LTBP1: variants seen among roughly 807,000 people sequenced by gnomAD.
LTBP1 encodes the protein latent transforming growth factor beta binding protein 1.
LTBP1 carries 129 observed loss-of-function variants against 207.6 expected under a neutral mutation model. The ratio of observed to expected loss-of-function variants is 0.62; its 90% CI spans 0.54 to 0.72. The LOEUF (loss-of-function observed/expected upper bound fraction) is 0.72. Ranked by LOEUF, LTBP1 falls within the 30% of genes least tolerant of loss-of-function variation. LTBP1 has a pLI of 0.00. For missense variants in LTBP1, 2,281 were observed against 2,217.2 expected (o/e 1.03, Z -0.58); for synonymous variants, 963 against 833.7 (o/e 1.16, Z -2.67).
chr2:32,947,567 G>C lies in LTBP1; in HGVS notation c.243G>C (p.Ser81=). The C allele has an allele frequency of 1.5e-6, 2 of 1,344,458 alleles. No homozygotes were observed. The highest frequency in any genetic ancestry group is 1.9e-6 in the Non-Finnish European group (2 of 1,051,428). 83.3% of individuals were successfully genotyped at this position (1,344,458 alleles called of 1,614,324 possible). A position where few individuals can be genotyped will look rare whatever the true frequency, so the allele number is the denominator to read the frequency against. The stretch of plus-strand genomic sequence containing the variant: ...GCCGTGCCTCCCCCGGGGTCCCCTC[G>C]GAGAGGACCCGGCGCACGAGCAAGC... ...APSRASPGVP[S]ERTRRTSKPG... Residue 81 remains serine (S), a synonymous_variant, in exon 1 of 34, where the codon TCG becomes TCC. Coordinates refer to ENST00000404816, the MANE Select transcript of LTBP1 (RefSeq NM_206943.4).
At chr2:33,185,471 A>C (rs774776727) in intron 5 of LTBP1, among the ~76,000 whole-genome samples, 8 of 152,186 alleles carry the variant, frequency 5.3e-5, no homozygotes, top group Non-Finnish European at 1.0e-4. Context: ...AGAAAATAAA[A>C]ATTTGGGTGA....
At chr2:32,991,754 C>T (rs1240255024) in intron 2 of LTBP1, among the ~76,000 whole-genome samples, 3 of 152,200 alleles carry the variant, frequency 2.0e-5, no homozygotes, top group Non-Finnish European at 4.4e-5. Flanking sequence ...TCTAGCTCCT[C>T]CAGCCCTGTT....
intron 27 of LTBP1, 71 bp downstream of exon 27, chr2:33,360,850 A>T: frequency 7.1e-7 from 1 of 1,412,286 alleles, no homozygotes; most frequent in Non-Finnish European, 9.9e-7. Flanking sequence ...TTGAAATGAT[A>T]ACACTCATTC....
In LTBP1 at chr2:33,326,079, TA is replaced by T. The variant is rs34397149; in HGVS notation, c.3730+10821del. The stretch of plus-strand genomic sequence containing the variant: ...TAGTGTTTATAGTTTTTGCTTTTGT[TA>T]AAAAAAAAAACAGTGTTTTGTGTTT... On this transcript the variant is annotated intron_variant, in intron 24 of 33. Transcript: ENST00000404816. Among the ~76,000 whole-genome samples, 354 of 148,924 alleles carry T rather than the reference TA, an allele frequency of 2.4e-3. 4 individuals carry two copies. Among genetic ancestry groups the T allele is most frequent in the African/African-American group, 7.1e-3 (289 of 40,562 alleles).
chr2:33,178,322 G>A (rs1442604621), intron 5 of LTBP1, among the ~76,000 whole-genome samples: 1 of 152,126 alleles, frequency 6.6e-6, no homozygotes, highest in Non-Finnish European at 1.5e-5. Context: ...GAGCTCCTTA[G>A]GTTATGCAAG....
chr2:33,140,275 C>G (rs2082530171), intron 5 of LTBP1, among the ~76,000 whole-genome samples: 1 of 152,194 alleles, frequency 6.6e-6, no homozygotes, highest in Non-Finnish European at 1.5e-5. Context: ...TCTGACATAA[C>G]TGCTTAAGAG....
rs1388140781 is a variant in LTBP1 at position 33,363,169 on chromosome 2, G to A, written c.4271-221G>A. Among the ~76,000 whole-genome samples the A allele has an allele frequency of 2.0e-5, 3 of 152,100 alleles. No individual in the cohort carries two copies. In the East Asian group the frequency reaches 5.8e-4, roughly 29 times the overall value. ...AATACACTTCTCCTATAATGTTTTG[G>A]GCATTGCTTCTCAAATATCACAGAC... On this transcript the variant is annotated intron_variant, in intron 28 of 33. Transcript: ENST00000404816.
At chr2:33,235,480 T>C (rs1438866931) in intron 9 of LTBP1, among the ~76,000 whole-genome samples, 1 of 152,230 alleles carries the variant, frequency 6.6e-6, no homozygotes, top group Non-Finnish European at 1.5e-5. Flanking sequence ...TCAACCATTG[T>C]GGAAGACAGT....
intron 9 of LTBP1, among the ~76,000 whole-genome samples, chr2:33,243,156 A>G (rs890834464): frequency 9.2e-5 from 14 of 152,178 alleles, no homozygotes; most frequent in African/African-American, 3.1e-4. Context: ...TCAGTGCCAC[A>G]GTCTGCCCCA....
At chr2:33,354,711 CA>C in intron 26 of LTBP1, among the ~76,000 whole-genome samples, 1 of 133,880 alleles carries the variant, frequency 7.5e-6, no homozygotes, top group African/African-American at 2.5e-5. Flanking sequence ...CACACACACA[CA>C]CACACACACA....
intron 31 of LTBP1, among the ~76,000 whole-genome samples, chr2:33,366,279 A>C (rs1263641237): frequency 6.6e-6 from 1 of 152,212 alleles, no homozygotes; most frequent in African/African-American, 2.4e-5. Context: ...TGACTTGTTA[A>C]AGCTAGAAAG....
At chr2:33,087,084 C>CTTTATTTTTT (rs2078804156) in intron 3 of LTBP1, among the ~76,000 whole-genome samples, 1 of 89,026 alleles carries the variant, frequency 1.1e-5, no homozygotes, top group Admixed American at 1.3e-4. Context: ...CTCCTTTATG[C>CTTTATTTTTT]TTTTTTTTTT....
At chr2:33,397,405 A>C (rs2095368528) in intron 33 of LTBP1, 123 bp downstream of exon 33, 2 of 1,056,828 alleles carry the variant, frequency 1.9e-6, no homozygotes, top group Admixed American at 2.1e-5. Flanking sequence ...AAAGTTCTGG[A>C]GATGTACATT....
At chr2:33,109,912 G>A (rs1010046403) in intron 3 of LTBP1, among the ~76,000 whole-genome samples, 14 of 152,184 alleles carry the variant, frequency 9.2e-5, no homozygotes, top group South Asian at 2.1e-4. Context: ...ATTAGGCAGC[G>A]TTAGAAGGTC....
At chr2:33,106,832 C>T (rs929310361) in intron 3 of LTBP1, among the ~76,000 whole-genome samples, 1 of 152,212 alleles carries the variant, frequency 6.6e-6, no homozygotes, top group Non-Finnish European at 1.5e-5. Flanking sequence ...TCAGCCTGTC[C>T]TTTGAAGCTT....
intron 5 of LTBP1, among the ~76,000 whole-genome samples, chr2:33,150,452 A>C (rs940287246): frequency 9.2e-5 from 14 of 152,210 alleles, no homozygotes; most frequent in Middle Eastern, 3.4e-3. Context: ...TTTTAAATGT[A>C]TGTTTTAATG....
chr2:33,273,877 T>G, intron 16 of LTBP1, 96 bp downstream of exon 16: 1 of 1,140,150 alleles, frequency 8.8e-7, no homozygotes, highest in Non-Finnish European at 1.2e-6. Context: ...TTTGGGAAAG[T>G]GTTACTGGTT....
intron 19 of LTBP1, among the ~76,000 whole-genome samples, chr2:33,288,526 C>G (rs142807891): frequency 7.2e-5 from 11 of 152,076 alleles, no homozygotes; most frequent in African/African-American, 2.2e-4. Flanking sequence ...CCAGAGGATA[C>G]GGAGAGAGTA....
At chr2:33,118,134 A>T (rs2150351811) in intron 4 of LTBP1, among the ~76,000 whole-genome samples, 1 of 151,676 alleles carries the variant, frequency 6.6e-6, no homozygotes, top group South Asian at 2.1e-4. Flanking sequence ...CTTCCAGAGA[A>T]CATGTTTGCA....
Sources: allele counts gnomAD v4.1 joint callset (sites outside exome capture counted in the v4.1 genomes callset), GRCh38; gene constraint gnomAD v4.1.1; transcripts MANE v1.5; gene names NCBI Gene and HGNC (gene_info 2026-07-23, HGNC 2026-07-21).